TNRC18: variants seen among roughly 807,000 people sequenced by gnomAD.
The protein encoded by TNRC18 is trinucleotide repeat-containing gene 18 protein.
A neutral mutation model predicts 226.7 loss-of-function variants in TNRC18; 69 were observed. That is an observed-to-expected ratio of 0.30 (90% confidence interval 0.25 to 0.37). The LOEUF (loss-of-function observed/expected upper bound fraction) is 0.37. Among genes scored for constraint, TNRC18 ranks in the 10% least tolerant of loss-of-function variants. TNRC18 has a pLI of 1.00. For synonymous variants in TNRC18, 2,449 were observed against 1,927.6 expected (o/e 1.27, Z -7.09); for missense variants, 4,754 against 4,256.6 (o/e 1.12, Z -3.25).
At chr7:5,308,623 GAGTC>G (rs975570687) in intron 29 of TNRC18, among the ~76,000 whole-genome samples, 10 of 152,016 alleles carry the variant, frequency 6.6e-5, no homozygotes, top group African/African-American at 2.4e-4. Context: ...GACCCAGAGA[GAGTC>G]AGAGGGCAAG....
rs1562597133 is a variant in TNRC18, at chr7:5,388,311, C to T, written c.1513G>A (p.Gly505Ser). The T allele has an allele frequency of 1.2e-6, 1 of 868,390 alleles. No individual in the cohort carries two copies. 53.8% of individuals were successfully genotyped at this position (868,390 alleles called of 1,614,324 possible). ...GLEPGRPPPT[G>S]PEHKWKPFEL... The stretch of plus-strand genomic sequence containing the variant: ...AAGGGTTTCCATTTATGCTCAGGGC[C>T]GGTGGGCGGGGGGCGCCCGGGCTCC... The change falls in exon 5 of 30, where the codon GGC (glycine) becomes AGC (serine). Residue 505 changes from glycine (G) to serine (S), a missense_variant. By Grantham distance (56) the Gly-to-Ser change is moderately conservative. Coordinates refer to ENST00000430969, the MANE Select transcript of TNRC18 (RefSeq NM_001080495.3).
Position 5,333,025 on chromosome 7 carries a change from G to A in TNRC18, c.5744C>T (p.Ser1915Leu). 1 of 1,578,622 alleles carries A rather than the reference G, an allele frequency of 6.3e-7. No individual in the cohort carries two copies. The highest frequency in any genetic ancestry group is 8.5e-7 in the Non-Finnish European group (1 of 1,170,524). The change falls in exon 19 of 30, where the codon TCA (serine) becomes TTA (leucine). Residue 1915 changes from serine to leucine, a missense_variant. Ser to Leu is a moderately radical substitution (Grantham distance 145). Coordinates refer to ENST00000430969, the MANE Select transcript of TNRC18 (RefSeq NM_001080495.3). ...LLGTEFEYTD[S>L]ESEVKVRKRS... ...CTTGCGCACCTTGACCTCGCTCTCT[G>A]AGTCGGTGTACTCGAACTCTGTGCC...
At chr7:5,419,077 C>T (rs1315176044) in intron 2 of TNRC18, among the ~76,000 whole-genome samples, 1 of 152,222 alleles carries the variant, frequency 6.6e-6, no homozygotes, top group Non-Finnish European at 1.5e-5. Flanking sequence ...TCCCAGCGAG[C>T]GCAGAAGGTG....
chr7:5,311,365 A>C (rs764038288), intron 27 of TNRC18, among the ~76,000 whole-genome samples: 4 of 152,260 alleles, frequency 2.6e-5, no homozygotes, highest in Non-Finnish European at 4.4e-5. Flanking sequence ...TTTGTCTTCC[A>C]GGCCATATTG....
At chr7:5,409,795 T>G (rs1212233012) in intron 2 of TNRC18, among the ~76,000 whole-genome samples, 1 of 128,458 alleles carries the variant, frequency 7.8e-6, no homozygotes, top group Non-Finnish European at 1.6e-5. Flanking sequence ...GCTAACATGG[T>G]GAAACCCCGT....
chr7:5,374,376 G>A lies in TNRC18; in HGVS notation c.2908C>T (p.Leu970=). 6.7e-7 allele frequency: 1 copy of A among 1,501,084 alleles called. No individual in the cohort carries two copies. The highest frequency in any genetic ancestry group is 8.9e-7 in the Non-Finnish European group (1 of 1,127,098). The allele number at this position is 1,501,084 out of a possible 1,614,324, so 93.0% of individuals were successfully genotyped here. ...AGGCCAGGGGGCTTCCGCGGCAGCAGCCCGGGGCCGGCGGTGGCCAGGCCA... is the reference window on the plus strand; with the variant it reads ...AGGCCAGGGGGCTTCCGCGGCAGCAACCCGGGGCCGGCGGTGGCCAGGCCA... ...KAGLATAGPG[L]LPRKPPGLAA... is the part of the protein sequence containing the mutation. The change falls in exon 10 of 30, where the codon CTG becomes TTG. Residue 970 remains leucine (L), a synonymous_variant. Coordinates refer to ENST00000430969, the MANE Select transcript of TNRC18 (RefSeq NM_001080495.3).
chr7:5,315,038 G>A lies in TNRC18; in HGVS notation c.6973C>T (p.Pro2325Ser), dbSNP rs2128107032. ...KDGGTAGSEE[P>S]GAKARGRGRK... ...CCACGCCCACGGGCCTTGGCTCCTG[G>A]CTCCTCCGACCCAGCCGTGCCACCA... The change falls in exon 26 of 30, where the codon CCA (proline) becomes TCA (serine). Residue 2325 changes from proline (P) to serine (S), a missense_variant. Pro to Ser is a moderately conservative substitution (Grantham distance 74). Coordinates refer to ENST00000430969, the MANE Select transcript of TNRC18 (RefSeq NM_001080495.3). 6.2e-7 allele frequency: 1 copy of A among 1,609,146 alleles called. No homozygotes were observed. The highest frequency in any genetic ancestry group is 1.7e-4 in the Middle Eastern group (1 of 5,846).
rs561575250 is a variant in TNRC18 at position 5,370,504 on chromosome 7, C to T, written c.4090G>A (p.Gly1364Arg). The T allele has an allele frequency of 1.3e-6, 2 of 1,595,440 alleles. No individual in the cohort carries two copies. The highest frequency in any genetic ancestry group is 1.3e-5 in the African/African-American group (1 of 74,682). ...ARPLPSPGAAGAQALEKLEAA... is the reference protein window; with the variant it reads ...ARPLPSPGAARAQALEKLEAA... ...TCCAGCTTCTCCAAGGCCTGGGCTC[C>T]AGCAGCACCCGGGGAGGGCAGAGGC... is the stretch of plus-strand genomic sequence containing the variant. Residue 1364 changes from glycine (G) to arginine (R), a missense_variant, in exon 11 of 30, where the codon GGA (glycine) becomes AGA (arginine). Gly to Arg is a moderately radical substitution (Grantham distance 125, BLOSUM62 -2). Transcript: ENST00000430969.
chr7:5,334,235 G>T (rs1347742319), intron 18 of TNRC18, among the ~76,000 whole-genome samples: 1 of 152,226 alleles, frequency 6.6e-6, no homozygotes, highest in African/African-American at 2.4e-5. Flanking sequence ...AGCAACAGGG[G>T]CTGGCGGGGG....
In TNRC18 at chr7:5,388,093, G is replaced by C; in HGVS notation, c.1731C>G (p.His577Gln). The C allele has an allele frequency of 6.4e-7, 1 of 1,553,202 alleles. No homozygotes were observed. The highest frequency in any genetic ancestry group is 8.7e-7 in the Non-Finnish European group (1 of 1,148,958). ...RPVADMHSAA[H>Q]GSGEASAMQS... is the part of the protein sequence containing the mutation. ...GCATGGCCGAGGCCTCTCCAGACCC[G>C]TGGGCCGCAGAGTGCATGTCAGCGA... is the stretch of plus-strand genomic sequence containing the variant. The change falls in exon 5 of 30, where the codon CAC becomes CAG. Residue 577 changes from histidine (H) to glutamine (Q), a missense_variant. By Grantham distance (24) the His-to-Gln change is conservative. Transcript: ENST00000430969.
At chr7:5,401,994 T>C (rs2128209876) in intron 2 of TNRC18, among the ~76,000 whole-genome samples, 1 of 150,968 alleles carries the variant, frequency 6.6e-6, no homozygotes, top group East Asian at 2.0e-4. Context: ...GCTAACACGG[T>C]GAAACCCCGT....
chr7:5,408,727 A>G (rs1781648303), intron 2 of TNRC18, among the ~76,000 whole-genome samples: 1 of 152,196 alleles, frequency 6.6e-6, no homozygotes, highest in Non-Finnish European at 1.5e-5. Flanking sequence ...GAGAGTGGGG[A>G]AAAGAAACAC....
In TNRC18 at chr7:5,421,236, C is replaced by T. The variant is rs1362114922; in HGVS notation, c.11G>A (p.Arg4Gln). Residue 4 changes from arginine (R) to glutamine (Q), a missense_variant, in exon 2 of 30, where the codon CGA (arginine) becomes CAA (glutamine). By Grantham distance (43) the Arg-to-Gln change is conservative (BLOSUM62 1). Coordinates refer to ENST00000430969, the MANE Select transcript of TNRC18 (RefSeq NM_001080495.3). ...CACGGACCGCTGGGGCCCGAAGTCT[C>T]GGCCATCCATCCTCCGCGGGAGTGC... The part of the protein sequence containing the change: MDG[R>Q]DFGPQRSVHG... 2.3e-6 allele frequency: 3 copies of T among 1,301,078 alleles called. No homozygotes were observed. Among genetic ancestry groups the T allele is most frequent in the Non-Finnish European group, 2.9e-6 (3 of 1,021,326 alleles). The allele number at this position is 1,301,078 out of a possible 1,614,324, so 80.6% of individuals were successfully genotyped here.
At chr7:5,373,378 C>T (rs1170476977) in intron 10 of TNRC18, among the ~76,000 whole-genome samples, 4 of 152,138 alleles carry the variant, frequency 2.6e-5, no homozygotes, top group African/African-American at 9.7e-5. Flanking sequence ...TGTAATCTCC[C>T]TGAGAGCAGG....
chr7:5,400,364 C>T (rs1780998311), intron 2 of TNRC18, among the ~76,000 whole-genome samples: 1 of 152,046 alleles, frequency 6.6e-6, no homozygotes, highest in African/African-American at 2.4e-5. Context: ...AATCACAGCA[C>T]TTTGGGAGGC....
intron 5 of TNRC18, among the ~76,000 whole-genome samples, chr7:5,382,111 C>A (rs1010131730): frequency 7.2e-5 from 11 of 152,194 alleles, no homozygotes; most frequent in African/African-American, 2.7e-4. Context: ...GGAGGCAGAT[C>A]CCAGCCCTCA....
intron 3 of TNRC18, among the ~76,000 whole-genome samples, chr7:5,393,109 T>C (rs1334799527): frequency 6.6e-6 from 1 of 152,218 alleles, no homozygotes; most frequent in African/African-American, 2.4e-5. Context: ...CCCTGTGTGT[T>C]TGTGGTCATC....
Position 5,312,725 on chromosome 7 carries a change from G to C in TNRC18, c.8166C>G (p.Pro2722=), listed in dbSNP as rs549034306. Reference sequence around the variant, plus strand: ...GAGGAGGCGCCTGGGGCTGGGGCGCGGGCGTCTTCTTGCCTGGGGAGTGGG... The same window carrying C: ...GAGGAGGCGCCTGGGGCTGGGGCGCCGGCGTCTTCTTGCCTGGGGAGTGGG... ...PSAHSPGKKT[P]APQPQAPPPQ... The change falls in exon 27 of 30, where the codon CCC becomes CCG. Residue 2722 remains proline (P), a synonymous_variant. Coordinates refer to ENST00000430969, the MANE Select transcript of TNRC18 (RefSeq NM_001080495.3). This position sits in a 1 kb window ranked among gnomAD's most constrained non-coding sequence, Gnocchi z 6.3. 1.0e-5 allele frequency: 16 copies of C among 1,559,254 alleles called. No homozygotes were observed. The highest frequency in any genetic ancestry group is 1.4e-5 in the African/African-American group (1 of 73,158).
rs1780041633 is a variant in TNRC18 at position 5,388,877 on chromosome 7, C to T, written c.947G>A (p.Arg316Gln). 2.3e-6 allele frequency: 3 copies of T among 1,323,740 alleles called. No individual in the cohort carries two copies. Among genetic ancestry groups the T allele is most frequent in the Non-Finnish European group, 2.9e-6 (3 of 1,033,660 alleles). 82.0% of individuals were successfully genotyped at this position (1,323,740 alleles called of 1,614,324 possible). ...KEAARQDEGARLLRRTETLLP... is the reference protein window; with the variant it reads ...KEAARQDEGAQLLRRTETLLP... ...CAGGGTCTCCGTGCGCCGCAGCAGCCGCGCGCCCTCGTCCTGCCGGGCAGC... is the reference window on the plus strand; with the variant it reads ...CAGGGTCTCCGTGCGCCGCAGCAGCTGCGCGCCCTCGTCCTGCCGGGCAGC... Residue 316 changes from arginine to glutamine, a missense_variant, in exon 5 of 30, where the codon CGG becomes CAG. Physicochemically the swap from Arg to Gln is conservative, Grantham distance 43 (BLOSUM62 1). Transcript: ENST00000430969.
Sources: allele counts gnomAD v4.1 joint callset (sites outside exome capture counted in the v4.1 genomes callset), GRCh38; gene constraint gnomAD v4.1.1; non-coding constraint Gnocchi (gnomAD v3.1); transcripts MANE v1.5; gene names NCBI Gene and HGNC (gene_info 2026-07-23, HGNC 2026-07-21).